Variants in ANKRD17 observed in about 807,000 individuals in gnomAD.
The protein encoded by ANKRD17 is ankyrin repeat domain 17.
ANKRD17 carries 19 observed loss-of-function variants against 229.7 expected under a neutral mutation model. The observed-to-expected ratio is 0.08, with a 90% confidence interval of 0.06 to 0.12. The LOEUF is 0.12. Ranked by LOEUF, ANKRD17 falls within the 10% of genes least tolerant of loss-of-function variation. The pLI is 1.00. For missense variants in ANKRD17, 2,176 were observed against 3,176.8 expected (o/e 0.68, Z 7.57); for synonymous variants, 1,112 against 1,146.1 (o/e 0.97, Z 0.60).
chr4:73,249,126 G>T (rs111892040), intron 1 of ANKRD17, among the ~76,000 whole-genome samples: 1 of 152,068 alleles, frequency 6.6e-6, no homozygotes, highest in Non-Finnish European at 1.5e-5. Context: ...CAAACTAATG[G>T]AACCAACCTT....
At chr4:73,242,724 GA>G (rs200429292) in intron 1 of ANKRD17, among the ~76,000 whole-genome samples, 2,225 of 152,260 alleles carry the variant, frequency 0.015, 44 homozygotes, top group Non-Finnish European at 0.02. Flanking sequence ...TATGAAACCA[GA>G]TATTCAATGA....
chr4:73,116,860 A>C lies in ANKRD17; in HGVS notation c.4189-944T>G, dbSNP rs146733421. On this transcript the variant is annotated intron_variant, in intron 22 of 33. Coordinates refer to ENST00000358602, the MANE Select transcript of ANKRD17 (RefSeq NM_032217.5). ...TAGACATATATACACAACATATACT[A>C]TGTTGCACCCTATATAATATAGTAC... 2.0e-5 allele frequency among the ~76,000 whole-genome samples: 3 copies of C among 152,124 alleles called. No homozygotes were observed. The East Asian group carries it at 5.8e-4, about 29-fold the overall frequency.
intron 1 of ANKRD17, among the ~76,000 whole-genome samples, chr4:73,237,989 T>C (rs569366158): frequency 6.6e-6 from 1 of 151,710 alleles, no homozygotes; most frequent in Non-Finnish European, 1.5e-5. Flanking sequence ...TTAACCAAAA[T>C]GTACAATTAG....
chr4:73,155,986 A>C, intron 4 of ANKRD17, 33 bp downstream of exon 4: 1 of 1,541,382 alleles, frequency 6.5e-7, no homozygotes, highest in East Asian at 2.3e-5. Context: ...TTTTAAAAAA[A>C]CAACAAATAA....
intron 15 of ANKRD17, among the ~76,000 whole-genome samples, chr4:73,138,962 A>T (rs1226236255): frequency 6.6e-6 from 1 of 152,188 alleles, no homozygotes; most frequent in Non-Finnish European, 1.5e-5. Flanking sequence ...GAGACTACAC[A>T]TTAACATTCA....
At chr4:73,222,902 A>C (rs772772616) in intron 1 of ANKRD17, 8 of 1,251,886 alleles carry the variant, frequency 6.4e-6, no homozygotes, top group Non-Finnish European at 7.9e-6. Flanking sequence ...ATTCATCTGT[A>C]AAATAATTCC....
chr4:73,206,232 G>A (rs1739409607), intron 1 of ANKRD17, among the ~76,000 whole-genome samples: 3 of 151,960 alleles, frequency 2.0e-5, no homozygotes, highest in South Asian at 4.2e-4. Flanking sequence ...CCCACTTCTG[G>A]ACACATATTC....
At chr4:73,245,934 T>C (rs544841335) in intron 1 of ANKRD17, among the ~76,000 whole-genome samples, 1 of 152,320 alleles carries the variant, frequency 6.6e-6, no homozygotes, top group South Asian at 2.1e-4. Context: ...ACTACATTAC[T>C]GGCCTAAAAA....
At position 73,146,985 on chromosome 4, in the gene ANKRD17, C is replaced by T; in HGVS notation, c.1760-112G>A. On this transcript the variant is annotated intron_variant, in intron 9 of 33. Coordinates refer to ENST00000358602, the MANE Select transcript of ANKRD17 (RefSeq NM_032217.5). ...CATACCTCCTCAAGTTAAACAAATT[C>T]AAACTTCACTCATTTCCAGAAACAG... 4.6e-6 allele frequency: 4 copies of T among 873,344 alleles called. No individual in the cohort carries two copies. The South Asian group carries it at 8.6e-5, about 19-fold the overall frequency. 54.1% of individuals were successfully genotyped at this position (873,344 alleles called of 1,614,324 possible).
intron 7 of ANKRD17, 90 bp downstream of exon 7, chr4:73,151,340 T>C (rs954345990): frequency 1.1e-5 from 12 of 1,127,426 alleles, no homozygotes; most frequent in Non-Finnish European, 1.4e-5. Context: ...AACAGAATCA[T>C]AGCACCCATT....
At chr4:73,113,721 T>G (rs144083975) in intron 24 of ANKRD17, 71 bp downstream of exon 24, 103 of 1,165,602 alleles carry the variant, frequency 8.8e-5, no homozygotes, top group Non-Finnish European at 1.2e-4. Flanking sequence ...AAAAGACGGA[T>G]TACAAATCAA....
chr4:73,240,705 C>A (rs1743942904), intron 1 of ANKRD17, among the ~76,000 whole-genome samples: 1 of 152,038 alleles, frequency 6.6e-6, no homozygotes, highest in Non-Finnish European at 1.5e-5. Flanking sequence ...CCATAAAACC[C>A]CACACAGATG....
chr4:73,180,151 T>C (rs1735353262), intron 1 of ANKRD17, among the ~76,000 whole-genome samples: 1 of 152,094 alleles, frequency 6.6e-6, no homozygotes, highest in South Asian at 2.1e-4. Flanking sequence ...TATAGTTAAC[T>C]GATTAATCAA....
intron 18 of ANKRD17, among the ~76,000 whole-genome samples, chr4:73,124,381 T>C (rs1011500568): frequency 6.6e-6 from 1 of 151,686 alleles, no homozygotes; most frequent in Non-Finnish European, 1.5e-5. Flanking sequence ...AGCTAATCTC[T>C]ATCAGTTGTT....
At chr4:73,155,490 A>C (rs1024238831) in intron 5 of ANKRD17, 141 bp downstream of exon 5, 2 of 885,734 alleles carry the variant, frequency 2.3e-6, no homozygotes, top group Admixed American at 2.8e-5. Context: ...ATACTTCAAA[A>C]CTCATACACA....
intron 1 of ANKRD17, among the ~76,000 whole-genome samples, chr4:73,244,205 T>G (rs1744284468): frequency 6.6e-6 from 1 of 152,172 alleles, no homozygotes; most frequent in Non-Finnish European, 1.5e-5. Flanking sequence ...TTTAAAGGAC[T>G]TATCTCCAAG....
intron 23 of ANKRD17, 115 bp from the exon 24 acceptor site, chr4:73,114,023 T>C: frequency 1.5e-6 from 1 of 654,548 alleles, no homozygotes; most frequent in East Asian, 2.5e-5. Context: ...TAAAGATCCA[T>C]GAAAGGGGGA....
At chr4:73,238,017 A>G (rs1313825442) in intron 1 of ANKRD17, among the ~76,000 whole-genome samples, 2 of 152,092 alleles carry the variant, frequency 1.3e-5, no homozygotes, top group Non-Finnish European at 2.9e-5. Flanking sequence ...AATATTTACT[A>G]GCAATCTATA....
intron 26 of ANKRD17, among the ~76,000 whole-genome samples, chr4:73,097,681 C>T (rs1723474598): frequency 6.6e-6 from 1 of 152,090 alleles, no homozygotes; most frequent in South Asian, 2.1e-4. Flanking sequence ...CCAAACAATC[C>T]TCCCACTTTG....
Sources: allele counts gnomAD v4.1 joint callset (sites outside exome capture counted in the v4.1 genomes callset), GRCh38; gene constraint gnomAD v4.1.1; transcripts MANE v1.5; gene names NCBI Gene and HGNC (gene_info 2026-07-23, HGNC 2026-07-21).